The following AUTS2 variants were observed in gnomAD, a reference collection of about 807,000 sequenced individuals.
AUTS2 encodes activator of transcription and developmental regulator AUTS2, also known as autism susceptibility gene 2 protein.
AUTS2 carries 17 observed loss-of-function variants against 112.4 expected under a neutral mutation model. The observed-to-expected ratio is 0.15, with a 90% confidence interval of 0.10 to 0.23. AUTS2 has a LOEUF of 0.23. Ranked by LOEUF, AUTS2 falls within the 10% of genes least tolerant of loss-of-function variation. AUTS2 has a pLI of 1.00. For missense variants in AUTS2, 1,510 were observed against 1,701.6 expected, an observed-to-expected ratio of 0.89 and a Z score of 1.98; for synonymous variants, 751 against 702.7, an observed-to-expected ratio of 1.07 and a Z score of -1.09.
intron 4 of AUTS2, among the ~76,000 whole-genome samples, chr7:70,405,715 T>C (rs1042049966): frequency 6.6e-6 from 1 of 152,226 alleles, no homozygotes; most frequent in Non-Finnish European, 1.5e-5. Flanking sequence ...TGGACTAAAA[T>C]CTCTTCTTTA....
At chr7:70,530,149 G>A (rs533266093) in intron 5 of AUTS2, among the ~76,000 whole-genome samples, 1 of 152,306 alleles carries the variant, frequency 6.6e-6, no homozygotes, top group South Asian at 2.1e-4. Context: ...AGATTGGGAA[G>A]GGGGTGTTGC....
At chr7:70,066,538 A>ATTT (rs1802501361) in intron 2 of AUTS2, among the ~76,000 whole-genome samples, 1 of 134,516 alleles carries the variant, frequency 7.4e-6, no homozygotes, top group African/African-American at 2.7e-5. Context: ...ATACCCAGTA[A>ATTT]ATTTTTTTTT....
intron 2 of AUTS2, among the ~76,000 whole-genome samples, chr7:70,039,426 G>A (rs959136723): frequency 4.6e-5 from 7 of 152,000 alleles, no homozygotes; most frequent in African/African-American, 1.4e-4. Flanking sequence ...GCAGTGGCGC[G>A]ATCTTGGCTC....
intron 6 of AUTS2, among the ~76,000 whole-genome samples, chr7:70,745,271 C>T (rs1053267908): frequency 6.6e-6 from 1 of 152,280 alleles, no homozygotes; most frequent in African/African-American, 2.4e-5. Context: ...GCATTCACTG[C>T]TCCTCAGTGT....
intron 1 of AUTS2, among the ~76,000 whole-genome samples, chr7:69,840,627 A>T (rs1791935115): frequency 6.6e-6 from 1 of 152,348 alleles, no homozygotes; most frequent in East Asian, 1.9e-4. Context: ...AGTGTAAAAC[A>T]CTGAACAAAT....
At chr7:70,780,070 G>T (rs1330181838) in intron 14 of AUTS2, among the ~76,000 whole-genome samples, 1 of 151,882 alleles carries the variant, frequency 6.6e-6, no homozygotes, top group Non-Finnish European at 1.5e-5. Flanking sequence ...GGTACTAAGG[G>T]CAGTGAAAAC....
At chr7:70,626,914 G>A (rs959547357) in intron 5 of AUTS2, among the ~76,000 whole-genome samples, 5 of 152,164 alleles carry the variant, frequency 3.3e-5, no homozygotes, top group Admixed American at 1.3e-4. Context: ...CCAGTCCACC[G>A]TTGATGGGCA....
At chr7:69,739,799 T>C (rs1562849787) in intron 1 of AUTS2, among the ~76,000 whole-genome samples, 1 of 152,212 alleles carries the variant, frequency 6.6e-6, no homozygotes. Context: ...ACATAGTATA[T>C]GCAGTCTGTG....
chr7:69,665,015 G>T (rs763262460), intron 1 of AUTS2, among the ~76,000 whole-genome samples: 5 of 152,116 alleles, frequency 3.3e-5, no homozygotes, highest in Non-Finnish European at 7.3e-5. Flanking sequence ...CTTTAGGTTG[G>T]CATCAGGCTA....
At chr7:69,984,349 G>A (rs1798418730) in intron 2 of AUTS2, among the ~76,000 whole-genome samples, 1 of 148,362 alleles carries the variant, frequency 6.7e-6, no homozygotes, top group African/African-American at 2.5e-5. Context: ...GGAGCTTGCA[G>A]TGAGCCAAGA....
intron 1 of AUTS2, among the ~76,000 whole-genome samples, chr7:69,600,435 G>A (rs979448303): frequency 1.3e-5 from 2 of 151,202 alleles, no homozygotes; most frequent in African/African-American, 4.9e-5. Context: ...GTGTGTGTGT[G>A]TGTGTGTCTG....
At chr7:70,003,385 A>G (rs1179906093) in intron 2 of AUTS2, among the ~76,000 whole-genome samples, 3 of 126,736 alleles carry the variant, frequency 2.4e-5, no homozygotes, top group Non-Finnish European at 4.6e-5. Context: ...GTGAATATAT[A>G]TAACATATGA....
chr7:70,078,751 A>T (rs1803159591), intron 2 of AUTS2, among the ~76,000 whole-genome samples: 1 of 152,194 alleles, frequency 6.6e-6, no homozygotes, highest in Non-Finnish European at 1.5e-5. Context: ...GAAATGGTGG[A>T]GAAAGTAGAG....
intron 1 of AUTS2, among the ~76,000 whole-genome samples, chr7:69,614,368 T>TTTTCTTTCTTTTCTTTCTTTC (rs1793239736): frequency 1.3e-3 from 25 of 19,470 alleles, no homozygotes; most frequent in African/African-American, 1.9e-3. Flanking sequence ...TTCTTTCTTT[T>TTTTCTTTCTTTTCTTTCTTTC]TTTAAGAGAT....
chr7:69,600,061 T>TCTGC (rs1383417208), intron 1 of AUTS2, 99 bp downstream of exon 1: 2 of 1,122,364 alleles, frequency 1.8e-6, no homozygotes, highest in East Asian at 2.7e-5. Flanking sequence ...GGGCTGTCTG[T>TCTGC]CTGTCTGTCT....
At chr7:70,388,136 A>G (rs1323809884) in intron 4 of AUTS2, among the ~76,000 whole-genome samples, 1 of 152,042 alleles carries the variant, frequency 6.6e-6, no homozygotes, top group African/African-American at 2.4e-5. Flanking sequence ...TGCCAACATG[A>G]TTCTATGTGT....
At chr7:70,144,076 C>T (rs895558865) in intron 4 of AUTS2, among the ~76,000 whole-genome samples, 3 of 152,082 alleles carry the variant, frequency 2.0e-5, no homozygotes, top group East Asian at 3.9e-4. Flanking sequence ...CATCCAAGCC[C>T]GTGCTGTGCC....
rs1793788984 is a variant in AUTS2 at position 69,623,563 on chromosome 7, G to A, written c.309+23601G>A. Reference sequence around the variant, plus strand: ...ATTAGGGTTTTTTGTTTGTTTGTTTGTTTGTTTTTAACATCAAGTTCCAGT... The same window carrying A: ...ATTAGGGTTTTTTGTTTGTTTGTTTATTTGTTTTTAACATCAAGTTCCAGT... On this transcript the variant is annotated intron_variant, in intron 1 of 18. Coordinates refer to ENST00000342771, the MANE Select transcript of AUTS2 (RefSeq NM_015570.4). 1.3e-5 allele frequency among the ~76,000 whole-genome samples: 2 copies of A among 151,588 alleles called. 1 individual carries two copies. The highest frequency in any genetic ancestry group is 4.2e-4 in the South Asian group (2 of 4,786).
At chr7:70,250,576 A>G (rs958215254) in intron 4 of AUTS2, among the ~76,000 whole-genome samples, 1 of 152,206 alleles carries the variant, frequency 6.6e-6, no homozygotes, top group African/African-American at 2.4e-5. Flanking sequence ...TTTTAATTAT[A>G]CATGTACTAT....
Sources: gnomAD v4.1 joint callset for allele counts (sites outside exome capture counted in the v4.1 genomes callset) on GRCh38, gnomAD v4.1.1 for gene constraint, MANE v1.5 for transcripts, NCBI Gene and HGNC (gene_info 2026-07-23, HGNC 2026-07-21) for gene names.